INTS1: variants seen among roughly 807,000 people sequenced by gnomAD.
INTS1 encodes integrator complex subunit 1.
INTS1 carries 137 observed loss-of-function variants against 241.6 expected under a neutral mutation model. The observed-to-expected ratio is 0.57, with a 90% CI of 0.49 to 0.65. INTS1 has a LOEUF of 0.65. Ranked by LOEUF, INTS1 falls within the 30% of genes least tolerant of loss-of-function variation. INTS1 has a pLI of 0.00. For synonymous variants in INTS1, 1,692 were observed against 1,337.8 expected (o/e 1.26, Z -5.78); for missense variants, 3,073 against 3,032.2 (o/e 1.01, Z -0.32).
chr7:1,488,429 G>C (rs1490203053), intron 18 of INTS1, among the ~76,000 whole-genome samples: 1 of 152,102 alleles, frequency 6.6e-6, no homozygotes, highest in Non-Finnish European at 1.5e-5. Flanking sequence ...TCTGAGCTCT[G>C]TCCCCAAGGC....
chr7:1,485,482 C>T lies in INTS1; in HGVS notation c.2977-13G>A, dbSNP rs762138542. On this transcript the variant is annotated splice_polypyrimidine_tract_variant and intron_variant, in intron 22 of 47. Coordinates refer to ENST00000404767, the MANE Select transcript of INTS1 (RefSeq NM_001080453.3). Reference sequence around the variant, plus strand: ...CCAGCGACAAACCCTGTGGCAGACACTCATGAGCTGGGCCGGCTTTCGGCA... The same window carrying T: ...CCAGCGACAAACCCTGTGGCAGACATTCATGAGCTGGGCCGGCTTTCGGCA... 6.2e-7 allele frequency: 1 copy of T among 1,610,846 alleles called. No homozygotes were observed. Among genetic ancestry groups the T allele is most frequent in the Non-Finnish European group, 8.5e-7 (1 of 1,179,596 alleles).
intron 31 of INTS1, 48 bp from the exon 32 acceptor site, chr7:1,478,933 G>A (rs1397222521): frequency 6.4e-7 from 1 of 1,557,238 alleles, no homozygotes; most frequent in South Asian, 1.2e-5. Context: ...GGACACACGG[G>A]GACCCGGCAC....
intron 19 of INTS1, 42 bp downstream of exon 19, chr7:1,487,718 T>A (rs763436219): frequency 6.3e-7 from 1 of 1,595,624 alleles, no homozygotes; most frequent in Non-Finnish European, 8.5e-7. Flanking sequence ...CACCCACAGG[T>A]CCCGACGGCA....
chr7:1,499,299 C>T lies in INTS1; in HGVS notation c.906G>A (p.Ala302=), dbSNP rs368209220. ...CCTGCTCGGGGCTCAGCTTCTCCTC[C>T]GCGATCAGCAACTCCGTCTGGCTGT... ...EEDSQTELLI[A]EEKLSPEQEG... The change falls in exon 7 of 48, where the codon GCG becomes GCA. Residue 302 remains alanine (A), a synonymous_variant. Transcript: ENST00000404767. 2.9e-4 allele frequency: 459 copies of T among 1,608,028 alleles called. No homozygotes were observed. The highest frequency in any genetic ancestry group is 3.5e-4 in the Non-Finnish European group (413 of 1,177,676).
Position 1,499,269 on chromosome 7 carries a change from G to A in INTS1, c.936C>T (p.Gly312=), listed in dbSNP as rs776703990. ...CACGCAGCTACCTGGGCATGAGCTG[G>A]CCCTCCTGCTCGGGGCTCAGCTTCT... The part of the protein sequence containing the change: ...AEEKLSPEQE[G]QLMPRYEELA... Residue 312 remains glycine (G), a synonymous_variant, in exon 7 of 48, where the codon GGC becomes GGT. Coordinates refer to ENST00000404767, the MANE Select transcript of INTS1 (RefSeq NM_001080453.3). 4 of 1,609,972 alleles carry A rather than the reference G, an allele frequency of 2.5e-6. No individual in the cohort carries two copies. The highest frequency in any genetic ancestry group is 3.4e-6 in the Non-Finnish European group (4 of 1,178,956).
At position 1,496,184 on chromosome 7, in the gene INTS1, G is replaced by A; in HGVS notation, c.1683C>T (p.Gly561=). The part of the protein sequence containing the change: ...LGITAQVKEA[G]IAWDKGEKRN... The stretch of plus-strand genomic sequence containing the variant: ...TCTTTTCTCCTTTGTCCCAGGCGAT[G>A]CCGGCCTCCTTCACCTGCGCTGTGA... The change falls in exon 12 of 48, where the codon GGC becomes GGT. Residue 561 remains glycine (G), a synonymous_variant. Coordinates refer to ENST00000404767, the MANE Select transcript of INTS1 (RefSeq NM_001080453.3). 1 of 1,613,810 alleles carries A rather than the reference G, an allele frequency of 6.2e-7. No homozygotes were observed. Among genetic ancestry groups the A allele is most frequent in the Non-Finnish European group, 8.5e-7 (1 of 1,179,782 alleles).
intron 24 of INTS1, 54 bp from the exon 25 acceptor site, chr7:1,484,224 C>A: frequency 6.4e-7 from 1 of 1,553,268 alleles, no homozygotes; most frequent in Non-Finnish European, 8.7e-7. Flanking sequence ...TGCTCTCCGG[C>A]CAGCTGGGGT....
chr7:1,502,780 C>A (rs761277715), intron 3 of INTS1, 121 bp downstream of exon 3: 17 of 1,074,410 alleles, frequency 1.6e-5, no homozygotes, highest in Non-Finnish European at 2.4e-5. Context: ...CACAAACATC[C>A]GCTCTCCCAA....
At position 1,483,872 on chromosome 7, in the gene INTS1, A is replaced by G; in HGVS notation, c.3430-19T>C. ...ACTCCGACTGTGGGAAAAGAGGTGG[A>G]GTCAGGCCGTAAGGTTCAGGGACCC... On this transcript the variant is annotated intron_variant, in intron 25 of 47. Transcript: ENST00000404767. 1 of 1,603,730 alleles carries G rather than the reference A, an allele frequency of 6.2e-7. No homozygotes were observed. The highest frequency in any genetic ancestry group is 8.5e-7 in the Non-Finnish European group (1 of 1,172,388).
Position 1,487,216 on chromosome 7 carries a change from C to G in INTS1, c.2646+104G>C, listed in dbSNP as rs1782314423. On this transcript the variant is annotated intron_variant, in intron 20 of 47. Transcript: ENST00000404767. Reference sequence around the variant, plus strand: ...GACACGCAGCAGCCAGCTCATGGGCCCCGCATCCAGGTGTGTCCTGCCCTC... The same window carrying G: ...GACACGCAGCAGCCAGCTCATGGGCGCCGCATCCAGGTGTGTCCTGCCCTC... 4 of 1,503,856 alleles carry G rather than the reference C, an allele frequency of 2.7e-6. No individual in the cohort carries two copies. The Admixed American group carries it at 8.1e-5, about 30-fold the overall frequency. The allele number at this position is 1,503,856 out of a possible 1,614,324, so 93.2% of individuals were successfully genotyped here.
At chr7:1,479,725 A>T (rs9692164) in intron 30 of INTS1, 41 bp from the exon 31 acceptor site, 1 of 1,422,846 alleles carries the variant, frequency 7.0e-7, no homozygotes, top group Non-Finnish European at 9.2e-7. Context: ...AGCGGAGGAG[A>T]AGGAGGAGGA....
chr7:1,473,802 G>T, intron 41 of INTS1, 109 bp from the exon 42 acceptor site: 1 of 1,386,062 alleles, frequency 7.2e-7, no homozygotes, highest in Non-Finnish European at 9.9e-7. Context: ...CACAGCCAAC[G>T]AGCCCCCTCT....
chr7:1,476,973 G>C, intron 35 of INTS1, 55 bp from the exon 36 acceptor site: 2 of 1,554,210 alleles, frequency 1.3e-6, no homozygotes, highest in Admixed American at 1.9e-5. Flanking sequence ...GGCAGGCTCT[G>C]CTGAAGTCAG....
intron 31 of INTS1, 129 bp downstream of exon 31, chr7:1,479,301 C>G: frequency 8.8e-7 from 1 of 1,137,078 alleles, no homozygotes; most frequent in Non-Finnish European, 1.2e-6. Flanking sequence ...CCCTGGGGCA[C>G]TGTCCTTTCT....
chr7:1,478,627 G>A, intron 32 of INTS1, 99 bp downstream of exon 32: 1 of 1,490,308 alleles, frequency 6.7e-7, no homozygotes, highest in Non-Finnish European at 9.0e-7. Context: ...CACCCCCCAA[G>A]CCACTGCCCA....
chr7:1,497,852 C>T lies in INTS1; in HGVS notation c.1426-538G>A, dbSNP rs544308866. Among the ~76,000 whole-genome samples the T allele has an allele frequency of 2.0e-5, 3 of 152,356 alleles. No homozygotes were observed. Among genetic ancestry groups the T allele is most frequent in the African/African-American group, 4.8e-5 (2 of 41,592 alleles). ...TCCCGAGCCCGCTTCAAAGGAGACA[C>T]GGAAATCCAAGGGTCCTACAGCCAG... On this transcript the variant is annotated intron_variant, in intron 10 of 47. Coordinates refer to ENST00000404767, the MANE Select transcript of INTS1 (RefSeq NM_001080453.3). The surrounding 1 kb of genome is among the most constrained non-coding windows in gnomAD (Gnocchi z 5.3).
chr7:1,487,843 C>T lies in INTS1; in HGVS notation c.2433G>A (p.Gly811=), dbSNP rs377765628. The change falls in exon 19 of 48, where the codon GGG becomes GGA. Residue 811 remains glycine, a synonymous_variant. Coordinates refer to ENST00000404767, the MANE Select transcript of INTS1 (RefSeq NM_001080453.3). Reference sequence around the variant, plus strand: ...GCTTGGTGGACGCGGCCGCCAGGTGCCCCTCGAAGGCCAGGATCTCCTGCT... The same window carrying T: ...GCTTGGTGGACGCGGCCGCCAGGTGTCCCTCGAAGGCCAGGATCTCCTGCT... ...REKQEILAFE[G]HLAAASTKQT... The T allele has an allele frequency of 2.0e-5, 33 of 1,613,306 alleles. No homozygotes were observed. The highest frequency in any genetic ancestry group is 2.6e-5 in the Non-Finnish European group (31 of 1,179,874).
rs947426068 is a variant in INTS1 at position 1,473,553 on chromosome 7, C to A, written c.5957+13G>T. The A allele has an allele frequency of 3.8e-6, 6 of 1,578,570 alleles. No individual in the cohort carries two copies. The highest frequency in any genetic ancestry group is 4.3e-6 in the Non-Finnish European group (5 of 1,163,122). On this transcript the variant is annotated intron_variant, in intron 42 of 47. Transcript: ENST00000404767. ...GGAGGCCCGAGGCTTCCCTGCAGCCCGTGGGCACTCACTGGAGCGGGTCGG... is the reference window on the plus strand; with the variant it reads ...GGAGGCCCGAGGCTTCCCTGCAGCCAGTGGGCACTCACTGGAGCGGGTCGG...
At chr7:1,482,089 A>G (rs1256559172) in intron 27 of INTS1, among the ~76,000 whole-genome samples, 1 of 152,086 alleles carries the variant, frequency 6.6e-6, no homozygotes, top group Non-Finnish European at 1.5e-5. Context: ...TCACTCACCA[A>G]GCTGCCCCCA....
Sources: gnomAD v4.1 joint callset for allele counts (sites outside exome capture counted in the v4.1 genomes callset) on GRCh38, gnomAD v4.1.1 for gene constraint, Gnocchi (gnomAD v3.1) non-coding constraint, MANE v1.5 for transcripts, NCBI Gene and HGNC (gene_info 2026-07-23, HGNC 2026-07-21) for gene names.